Variants in TENM3 observed in about 807,000 individuals in gnomAD.
The protein encoded by TENM3 is teneurin transmembrane protein 3, also known as teneurin-3.
In TENM3, 63 loss-of-function variants were observed where a neutral mutation model predicts 255.1. That is an observed-to-expected ratio of 0.25 (90% CI 0.20 to 0.30). TENM3 has a LOEUF of 0.30. TENM3 is among the 10% of genes least tolerant of loss of function. TENM3 has a pLI of 1.00. For missense variants in TENM3, 2,929 were observed against 3,461.1 expected (o/e 0.85, Z 3.86); for synonymous variants, 1,306 against 1,322.3 (o/e 0.99, Z 0.27).
the TENM3 span, among the ~76,000 whole-genome samples, chr4:181,544,408 TAAAAAA>T: frequency 0.024 from 1,655 of 68,674 alleles, 56 homozygotes; most frequent in East Asian, 0.14. Context: ...CCTTCAGGAT[TAAAAAA>T]AAAAAAAAAA....
chr4:182,444,454 A>G (rs989691079), intron 3 of TENM3, among the ~76,000 whole-genome samples: 2 of 152,178 alleles, frequency 1.3e-5, no homozygotes, highest in African/African-American at 2.4e-5. Context: ...ATAAAGGTAT[A>G]ATTTTTAAGA....
the TENM3 span, among the ~76,000 whole-genome samples, chr4:181,795,599 G>A: frequency 6.6e-6 from 1 of 152,144 alleles, no homozygotes; most frequent in African/African-American, 2.4e-5. Context: ...ACCAGTTGCT[G>A]AACTACTGAG....
chr4:181,733,477 G>T, the TENM3 span, among the ~76,000 whole-genome samples: 1 of 152,164 alleles, frequency 6.6e-6, no homozygotes, highest in Non-Finnish European at 1.5e-5. Flanking sequence ...CTCAAGAGAA[G>T]TTGTCATGCA....
At chr4:182,693,725 G>A (rs185147601) in intron 12 of TENM3, among the ~76,000 whole-genome samples, 77 of 152,212 alleles carry the variant, frequency 5.1e-4, no homozygotes, top group Admixed American at 3.2e-3. Context: ...AATTCTTGCC[G>A]TACCACTGAG....
the TENM3 span, among the ~76,000 whole-genome samples, chr4:181,721,578 C>G: frequency 4.9e-5 from 1 of 20,282 alleles, no homozygotes; most frequent in African/African-American, 1.5e-4. Context: ...CCAGCCTGGG[C>G]GACAGAGCGA....
chr4:182,301,277 T>G (rs1194075862), intron 1 of TENM3, among the ~76,000 whole-genome samples: 1 of 152,230 alleles, frequency 6.6e-6, no homozygotes, highest in Non-Finnish European at 1.5e-5. Flanking sequence ...TTTCCTTCTT[T>G]TACTTAAAAA....
At chr4:181,988,675 A>G in the TENM3 span, among the ~76,000 whole-genome samples, 1 of 152,186 alleles carries the variant, frequency 6.6e-6, no homozygotes, top group African/African-American at 2.4e-5. Flanking sequence ...ATCCCAGTTT[A>G]TAAATGAAGG....
the TENM3 span, among the ~76,000 whole-genome samples, chr4:181,612,902 A>G: frequency 1.3e-5 from 2 of 152,362 alleles, no homozygotes; most frequent in Admixed American, 1.3e-4. Flanking sequence ...GAGGGACGTT[A>G]AATCCTGTGT....
At chr4:181,778,911 G>A in the TENM3 span, among the ~76,000 whole-genome samples, 2 of 152,120 alleles carry the variant, frequency 1.3e-5, no homozygotes, top group African/African-American at 2.4e-5. Context: ...ATTATGAAAT[G>A]AGGATTTATA....
At chr4:181,728,591 G>A in the TENM3 span, among the ~76,000 whole-genome samples, 2 of 152,166 alleles carry the variant, frequency 1.3e-5, no homozygotes, top group African/African-American at 4.8e-5. Flanking sequence ...GCATGCTAAT[G>A]CATTGTAATT....
intron 1 of TENM3, among the ~76,000 whole-genome samples, chr4:182,299,016 A>AAAAAAAAAAAAAAAAAAAAAAAAAAAATT: frequency 9.8e-6 from 1 of 102,342 alleles, no homozygotes; most frequent in South Asian, 3.0e-4. Flanking sequence ...AAAAAAAAAA[A>AAAAAAAAAAAAAAAAAAAAAAAAAAAATT]GAGGTAATGG....
the TENM3 span, among the ~76,000 whole-genome samples, chr4:181,608,302 A>G: frequency 2.0e-5 from 3 of 152,228 alleles, no homozygotes; most frequent in African/African-American, 7.2e-5. Context: ...TTTGAAAATA[A>G]TTTGAGGAAT....
the TENM3 span, among the ~76,000 whole-genome samples, chr4:181,911,691 A>G: frequency 2.0e-5 from 3 of 152,218 alleles, no homozygotes; most frequent in Non-Finnish European, 4.4e-5. Context: ...ATAAAAATCC[A>G]CATGACACAT....
chr4:181,857,679 G>C, the TENM3 span, among the ~76,000 whole-genome samples: 1 of 151,380 alleles, frequency 6.6e-6, no homozygotes, highest in Non-Finnish European at 1.5e-5. Context: ...AACCCCTTGA[G>C]CCTGGGAGGC....
chr4:182,552,683 C>T (rs1199693037), intron 3 of TENM3, among the ~76,000 whole-genome samples: 1 of 152,048 alleles, frequency 6.6e-6, no homozygotes, highest in Non-Finnish European at 1.5e-5. Flanking sequence ...TGGATGATGA[C>T]CATCTAGTTC....
chr4:182,783,950 C>T (rs2152815270), intron 24 of TENM3, among the ~76,000 whole-genome samples: 1 of 152,234 alleles, frequency 6.6e-6, no homozygotes, highest in Admixed American at 6.5e-5. Context: ...TCTAGTTATA[C>T]ATTCTTCTAA....
At chr4:182,778,409 C>G (rs1047899270) in intron 24 of TENM3, among the ~76,000 whole-genome samples, 1 of 152,130 alleles carries the variant, frequency 6.6e-6, no homozygotes, top group East Asian at 1.9e-4. Context: ...TTAATCTGAG[C>G]GGCACGGCCT....
At chr4:182,453,517 G>A (rs1773639561) in intron 3 of TENM3, among the ~76,000 whole-genome samples, 1 of 152,102 alleles carries the variant, frequency 6.6e-6, no homozygotes. Flanking sequence ...GTACATTGAG[G>A]AGGCAGAATA....
chr4:181,990,959 G>C, the TENM3 span, among the ~76,000 whole-genome samples: 1 of 151,920 alleles, frequency 6.6e-6, no homozygotes, highest in African/African-American at 2.4e-5. Flanking sequence ...GATTCCATGT[G>C]GTCAAAGCAC....
Sources: allele counts gnomAD v4.1 joint callset (sites outside exome capture counted in the v4.1 genomes callset), GRCh38; gene constraint gnomAD v4.1.1; transcripts MANE v1.5; gene names NCBI Gene and HGNC (gene_info 2026-07-23, HGNC 2026-07-21).